TPRG1: variants seen among roughly 807,000 people sequenced by gnomAD.
The protein encoded by TPRG1 is tumor protein p63 regulated 1, also known as tumor protein p63-regulated gene 1 protein.
TPRG1 carries 29 observed loss-of-function variants against 29.3 expected under a neutral mutation model. The observed-to-expected ratio is 0.99, with a 90% CI of 0.74 to 1.35. TPRG1 has a LOEUF of 1.35. Among genes scored for constraint, TPRG1 ranks in the 40% most tolerant of loss-of-function variants. TPRG1 has a pLI of 0.00. For synonymous variants in TPRG1, 130 were observed against 116.8 expected (o/e 1.11, Z -0.73); for missense variants, 327 against 335.0 (o/e 0.98, Z 0.19).
intron 4 of TPRG1, among the ~76,000 whole-genome samples, chr3:189,276,414 C>A (rs1420361458): frequency 1.3e-5 from 2 of 152,126 alleles, no homozygotes; most frequent in Non-Finnish European, 2.9e-5. Context: ...TCAGGAGAAG[C>A]TGGTTTCAAA....
chr3:189,250,948 A>G (rs985859367), intron 4 of TPRG1, among the ~76,000 whole-genome samples: 5 of 151,948 alleles, frequency 3.3e-5, no homozygotes, highest in Non-Finnish European at 5.9e-5. Flanking sequence ...ATGCATCATG[A>G]GCTATTGATC....
At chr3:189,167,673 G>A (rs1444787696), upstream of TPRG1, among the ~76,000 whole-genome samples, 2 of 152,314 alleles carry the variant, frequency 1.3e-5, no homozygotes, top group Admixed American at 1.3e-4. Context: ...GCCATTCTTG[G>A]TTGGGGTGGA....
intron 5 of TPRG1, among the ~76,000 whole-genome samples, chr3:189,165,600 G>A (rs534261389): frequency 2.2e-4 from 34 of 152,060 alleles, no homozygotes; most frequent in Non-Finnish European, 4.7e-4. Context: ...CTGTCTTCGG[G>A]GTGAGAGGCT....
intron 3 of TPRG1, among the ~76,000 whole-genome samples, chr3:189,136,290 A>G (rs1578482152): frequency 6.6e-6 from 1 of 152,168 alleles, no homozygotes; most frequent in East Asian, 1.9e-4. Flanking sequence ...GGTGGGACAA[A>G]TATATCAGTA....
chr3:189,234,126 ACCTCAACCT>A (rs1303884996), intron 3 of TPRG1, among the ~76,000 whole-genome samples: 6 of 152,086 alleles, frequency 3.9e-5, no homozygotes, highest in Non-Finnish European at 7.4e-5. Context: ...TGAGCCTCCC[ACCTCAACCT>A]CTCAAAGTGT....
intron 2 of TPRG1, among the ~76,000 whole-genome samples, chr3:189,208,691 G>T (rs920769183): frequency 2.6e-5 from 4 of 152,174 alleles, no homozygotes; most frequent in Middle Eastern, 3.2e-3. Flanking sequence ...CATATGTAGA[G>T]CATATGGTTT....
chr3:188,999,002 T>C (rs1251580058), intron 1 of TPRG1, among the ~76,000 whole-genome samples: 1 of 152,172 alleles, frequency 6.6e-6, no homozygotes, highest in Non-Finnish European at 1.5e-5. Flanking sequence ...GATAAAGGTT[T>C]GAGGTGATGA....
chr3:189,019,835 G>C (rs1713191682), intron 3 of TPRG1, among the ~76,000 whole-genome samples: 1 of 149,998 alleles, frequency 6.7e-6, no homozygotes, highest in African/African-American at 2.5e-5. Context: ...ACCTCTGGTA[G>C]AATTCGGCTG....
intron 3 of TPRG1, among the ~76,000 whole-genome samples, chr3:189,005,026 C>T (rs900476698): frequency 3.9e-5 from 6 of 151,944 alleles, no homozygotes; most frequent in Admixed American, 3.3e-4. Context: ...ATCACATGTT[C>T]TCATATTTAT....
In TPRG1 at chr3:189,253,068, T is replaced by A. The variant is rs565707660; in HGVS notation, c.479+14159T>A. 2.4e-4 allele frequency among the ~76,000 whole-genome samples: 36 copies of A among 152,288 alleles called. No individual in the cohort carries two copies. The South Asian group carries it at 7.1e-3, about 30-fold the overall frequency. ...CTTTTCCTTTTTTTAAATTATACTT[T>A]AAGTTCTGGGATACATGTGCAGAAT... On this transcript the variant is annotated intron_variant, in intron 4 of 5. Coordinates refer to ENST00000345063, the MANE Select transcript of TPRG1 (RefSeq NM_198485.4).
At chr3:189,043,378 C>G (rs1252823588) in intron 4 of TPRG1, among the ~76,000 whole-genome samples, 2 of 152,192 alleles carry the variant, frequency 1.3e-5, no homozygotes, top group Non-Finnish European at 2.9e-5. Context: ...CTTCCACTGA[C>G]TTTCTCTGTG....
upstream of TPRG1, among the ~76,000 whole-genome samples, chr3:189,096,040 A>G (rs2152184431): frequency 6.6e-6 from 1 of 152,366 alleles, no homozygotes; most frequent in Non-Finnish European, 1.5e-5. Flanking sequence ...GGAAACGATA[A>G]GACACTGCTA....
At chr3:189,042,550 G>C (rs935514555) in intron 4 of TPRG1, among the ~76,000 whole-genome samples, 3 of 152,106 alleles carry the variant, frequency 2.0e-5, no homozygotes, top group Non-Finnish European at 4.4e-5. Context: ...TGTATCTTCA[G>C]ATGAACAAAT....
chr3:189,126,133 T>C (rs1353453568), intron 1 of TPRG1, among the ~76,000 whole-genome samples: 1 of 151,930 alleles, frequency 6.6e-6, no homozygotes, highest in Non-Finnish European at 1.5e-5. Flanking sequence ...ACAATTTTGG[T>C]TTGGGGGATG....
At chr3:189,299,916 C>T (rs1720570340) in intron 4 of TPRG1, among the ~76,000 whole-genome samples, 1 of 152,142 alleles carries the variant, frequency 6.6e-6, no homozygotes, top group African/African-American at 2.4e-5. Flanking sequence ...GAATTCTACT[C>T]AAAAGGTTGT....
At chr3:189,217,794 T>C (rs1182778102) in intron 3 of TPRG1, 3 of 978,440 alleles carry the variant, frequency 3.1e-6, no homozygotes, top group Non-Finnish European at 3.6e-6. Flanking sequence ...GAAAAAATAA[T>C]TGTCAAAAAG....
chr3:189,315,846 C>G (rs1478749430), intron 5 of TPRG1, among the ~76,000 whole-genome samples: 1 of 152,118 alleles, frequency 6.6e-6, no homozygotes, highest in Admixed American at 6.6e-5. Flanking sequence ...GAGGAGGCAG[C>G]AAAGACTTTC....
intron 4 of TPRG1, among the ~76,000 whole-genome samples, chr3:189,094,290 G>A (rs988945549): frequency 1.1e-4 from 16 of 152,122 alleles, no homozygotes. Context: ...CATTGTGAAG[G>A]AGGCAACGTT....
At chr3:189,208,516 T>G (rs1243804335) in intron 2 of TPRG1, among the ~76,000 whole-genome samples, 9 of 152,196 alleles carry the variant, frequency 5.9e-5, no homozygotes, top group Admixed American at 5.9e-4. Flanking sequence ...CTGATTTGGT[T>G]GCTTTCAAAA....
Sources: allele counts gnomAD v4.1 joint callset (sites outside exome capture counted in the v4.1 genomes callset), GRCh38; gene constraint gnomAD v4.1.1; transcripts MANE v1.5; gene names NCBI Gene and HGNC (gene_info 2026-07-23, HGNC 2026-07-21).